Variants in PUDP observed in about 807,000 individuals in gnomAD.
PUDP encodes the protein pseudouridine 5'-phosphatase.
PUDP carries 8 observed loss-of-function variants against 9.4 expected under a neutral mutation model. The observed-to-expected ratio is 0.85, with a 90% CI of 0.50 to 1.53. PUDP has a LOEUF of 1.53. Among genes scored for constraint, PUDP ranks in the 40% most tolerant of loss-of-function variants. PUDP has a pLI of 0.00. For synonymous variants in PUDP, 99 were observed against 80.7 expected (o/e 1.23, Z -1.22); for missense variants, 188 against 189.7 (o/e 0.99, Z 0.05).
At chrX:7,037,439 A>G (rs973583738) in intron 1 of PUDP, among the ~76,000 whole-genome samples, 3 of 112,166 alleles carry the variant, frequency 2.7e-5, no homozygotes, top group Non-Finnish European at 3.8e-5. Context: ...CAGGACATGA[A>G]CCTTGATCTT....
chrX:6,928,184 G>A (rs778725214), intron 3 of PUDP, among the ~76,000 whole-genome samples: 1 of 110,909 alleles, frequency 9.0e-6, no homozygotes, highest in Admixed American at 9.5e-5. Flanking sequence ...CCACCACCCC[G>A]GCCTCCCAAA....
At chrX:6,858,156 G>A (rs12401133) in intron 3 of PUDP, among the ~76,000 whole-genome samples, 46,931 of 109,203 alleles carry the variant, frequency 0.43, 8,616 homozygotes, top group Non-Finnish European at 0.56. Context: ...ACAAAACATG[G>A]ATAAGAACTC....
At chrX:6,734,813 A>G (rs979599651) in intron 3 of PUDP, among the ~76,000 whole-genome samples, 2 of 111,784 alleles carry the variant, frequency 1.8e-5, no homozygotes, top group Admixed American at 1.9e-4. Flanking sequence ...ATGTTGCCTT[A>G]GATTTTGCAG....
intron 3 of PUDP, among the ~76,000 whole-genome samples, chrX:6,899,291 T>C (rs1019674506): frequency 5.3e-5 from 6 of 112,718 alleles, no homozygotes; most frequent in Admixed American, 4.7e-4. Flanking sequence ...CTTGGTAAGA[T>C]TGTTATTGTG....
chrX:7,148,115 G>C lies in PUDP; in HGVS notation c.-2C>G. Reference sequence around the variant, plus strand: ...GACGGGCTGCGGGGGCGCCGCCATGGTGGCGCCTTCTGGGTCTGGGTGGGG... The same window carrying C: ...GACGGGCTGCGGGGGCGCCGCCATGCTGGCGCCTTCTGGGTCTGGGTGGGG... On this transcript the variant is annotated 5_prime_UTR_variant, in exon 1 of 4. Transcript: ENST00000381077. 1 of 1,127,354 alleles carries C rather than the reference G, an allele frequency of 8.9e-7. No homozygotes were observed. The highest frequency in any genetic ancestry group is 1.2e-6 in the Non-Finnish European group (1 of 850,260). The allele number at this position is 1,127,354 out of a possible 1,213,427, so 92.9% of individuals were successfully genotyped here.
chrX:6,874,094 A>T (rs867802845), intron 3 of PUDP, among the ~76,000 whole-genome samples: 5 of 109,278 alleles, frequency 4.6e-5, no homozygotes, highest in Middle Eastern at 4.7e-3. Flanking sequence ...AGATCACGAC[A>T]CTGCACTCCA....
chrX:7,015,245 C>G (rs889434251), intron 1 of PUDP, among the ~76,000 whole-genome samples: 1 of 111,816 alleles, frequency 8.9e-6, no homozygotes, highest in African/African-American at 3.3e-5. Context: ...CCCAAAGATA[C>G]AGGGGAAACC....
intron 3 of PUDP, among the ~76,000 whole-genome samples, chrX:6,829,644 C>A (rs1469009778): frequency 1.8e-5 from 2 of 111,880 alleles, no homozygotes; most frequent in African/African-American, 6.5e-5. Flanking sequence ...TATAGAGTCT[C>A]TTTTCATAGG....
intron 1 of PUDP, among the ~76,000 whole-genome samples, chrX:6,978,540 T>C (rs1337756959): frequency 4.5e-5 from 5 of 112,225 alleles, no homozygotes; most frequent in Non-Finnish European, 9.4e-5. Flanking sequence ...AGAGCAATAG[T>C]TGACTCTATT....
At chrX:6,863,812 C>A (rs1402368835) in intron 3 of PUDP, among the ~76,000 whole-genome samples, 2 of 111,833 alleles carry the variant, frequency 1.8e-5, no homozygotes, top group Non-Finnish European at 3.8e-5. Context: ...GGGTTGTAAA[C>A]CAGAATTGGG....
At chrX:7,061,464 C>A (rs1306658434) in intron 3 of PUDP, among the ~76,000 whole-genome samples, 3 of 111,218 alleles carry the variant, frequency 2.7e-5, no homozygotes, top group African/African-American at 9.9e-5. Flanking sequence ...TTTTGGAGAA[C>A]CTACTGAAAC....
intron 2 of PUDP, among the ~76,000 whole-genome samples, chrX:7,082,472 G>A (rs915399698): frequency 1.8e-5 from 2 of 112,133 alleles, no homozygotes; most frequent in African/African-American, 6.5e-5. Flanking sequence ...GGGGGGTACC[G>A]GGGGTTGACA....
chrX:6,896,000 C>T (rs1344636933), intron 3 of PUDP, among the ~76,000 whole-genome samples: 1 of 111,281 alleles, frequency 9.0e-6, no homozygotes, highest in South Asian at 3.8e-4. Context: ...CTCCCCAAAG[C>T]CCTACCCTCT....
At chrX:6,900,591 A>AAGAGAGAG (rs779020790) in intron 3 of PUDP, among the ~76,000 whole-genome samples, 13 of 80,229 alleles carry the variant, frequency 1.6e-4, no homozygotes, top group East Asian at 1.0e-3. Context: ...GAGGGAGAGA[A>AAGAGAGAG]AGAGAGAGAG....
chrX:6,764,561 G>T (rs985604828), intron 3 of PUDP, among the ~76,000 whole-genome samples: 1 of 111,991 alleles, frequency 8.9e-6, no homozygotes, highest in Non-Finnish European at 1.9e-5. Context: ...GATATGTATG[G>T]CTTGCATGTC....
At chrX:6,914,772 C>A (rs1927903615) in intron 3 of PUDP, among the ~76,000 whole-genome samples, 1 of 112,362 alleles carries the variant, frequency 8.9e-6, no homozygotes, top group South Asian at 3.7e-4. Flanking sequence ...TATTATGGTA[C>A]CGAAAGAATC....
At chrX:7,074,115 G>T (rs1245793039) in intron 3 of PUDP, among the ~76,000 whole-genome samples, 1 of 112,631 alleles carries the variant, frequency 8.9e-6, no homozygotes, top group African/African-American at 3.2e-5. Flanking sequence ...TGTGGAGACA[G>T]GGTCTGGCTA....
At chrX:7,004,049 T>C (rs373487749) in intron 1 of PUDP, among the ~76,000 whole-genome samples, 46 of 110,386 alleles carry the variant, frequency 4.2e-4, no homozygotes, top group African/African-American at 1.4e-3. Context: ...TTAATTTTTG[T>C]ATTTTTTGTA....
At chrX:7,070,095 T>G (rs1930682031) in intron 3 of PUDP, among the ~76,000 whole-genome samples, 1 of 111,693 alleles carries the variant, frequency 9.0e-6, no homozygotes, top group Admixed American at 9.5e-5. Context: ...CCCCAATCAC[T>G]GCACCTAAGA....
Sources: gnomAD v4.1 joint callset for allele counts (sites outside exome capture counted in the v4.1 genomes callset) on GRCh38, gnomAD v4.1.1 for gene constraint, MANE v1.5 for transcripts, NCBI Gene and HGNC (gene_info 2026-07-23, HGNC 2026-07-21) for gene names.